CNGB3: variants seen among roughly 807,000 people sequenced by gnomAD.
CNGB3 encodes the protein cyclic nucleotide-gated channel beta-3.
In CNGB3, 86 loss-of-function variants were observed where a neutral mutation model predicts 92.8. The observed-to-expected ratio is 0.93, with a 90% confidence interval of 0.78 to 1.11. The LOEUF is 1.11. Among genes scored for constraint, CNGB3 ranks in the 50% least tolerant of loss-of-function variants. The pLI, the probability that CNGB3 is intolerant of heterozygous loss-of-function variation, is 0.00. For synonymous variants in CNGB3, 333 were observed against 332.7 expected, an observed-to-expected ratio of 1.00 and a Z score of -0.01; for missense variants, 1,026 against 956.8, an observed-to-expected ratio of 1.07 and a Z score of -0.95.
intron 6 of CNGB3, among the ~76,000 whole-genome samples, chr8:86,655,079 G>A (rs939748885): frequency 5.3e-5 from 8 of 152,012 alleles, no homozygotes; most frequent in African/African-American, 1.7e-4. Context: ...AGTATCCTAT[G>A]AGCAATCTCA....
intron 3 of CNGB3, among the ~76,000 whole-genome samples, chr8:86,706,148 A>G (rs2131652697): frequency 1.3e-5 from 2 of 152,342 alleles, no homozygotes; most frequent in Middle Eastern, 6.8e-3. Context: ...TATATTTATA[A>G]AGTAGGGACT....
chr8:86,616,685 C>T (rs886501121), intron 13 of CNGB3, among the ~76,000 whole-genome samples: 1 of 152,056 alleles, frequency 6.6e-6, no homozygotes, highest in African/African-American at 2.4e-5. Flanking sequence ...TATATTAGTA[C>T]ATAATATTTA....
chr8:86,619,958 C>G (rs896715718), intron 13 of CNGB3, among the ~76,000 whole-genome samples: 6 of 151,966 alleles, frequency 3.9e-5, no homozygotes, highest in Non-Finnish European at 7.4e-5. Flanking sequence ...TGGGCTCAGG[C>G]AATCCTCTTG....
At chr8:86,718,765 T>C (rs374185374) in intron 3 of CNGB3, among the ~76,000 whole-genome samples, 32 of 151,814 alleles carry the variant, frequency 2.1e-4, no homozygotes, top group African/African-American at 7.0e-4. Flanking sequence ...TATGCAACAA[T>C]CCTTAACAAA....
At chr8:86,672,131 C>T (rs1031592905) in intron 3 of CNGB3, among the ~76,000 whole-genome samples, 8 of 152,236 alleles carry the variant, frequency 5.3e-5, no homozygotes, top group East Asian at 1.9e-4. Flanking sequence ...CTGAGTCTCA[C>T]GTTGTCGCCC....
chr8:86,646,360 A>G (rs945783096), intron 8 of CNGB3, among the ~76,000 whole-genome samples: 6 of 149,850 alleles, frequency 4.0e-5, no homozygotes, highest in African/African-American at 1.5e-4. Context: ...ATCAGAGCAG[A>G]GAAAAAAAAA....
At chr8:86,631,458 T>C (rs565803105) in intron 11 of CNGB3, among the ~76,000 whole-genome samples, 10 of 152,340 alleles carry the variant, frequency 6.6e-5, no homozygotes, top group Non-Finnish European at 1.2e-4. Context: ...GAACTACATG[T>C]ATGAATCAGG....
chr8:86,674,549 A>G (rs1394705337), intron 3 of CNGB3, among the ~76,000 whole-genome samples: 2 of 152,184 alleles, frequency 1.3e-5, no homozygotes, highest in Non-Finnish European at 2.9e-5. Flanking sequence ...AGGAAAGGCA[A>G]ATAGAGAGGA....
rs773640498 is a variant in CNGB3 at position 86,628,955 on chromosome 8, A to C, written c.1444T>G (p.Trp482Gly). 6 of 1,613,954 alleles carry C rather than the reference A, an allele frequency of 3.7e-6. No individual in the cohort carries two copies. The Admixed American group carries it at 1.0e-4, about 27-fold the overall frequency. ...PKLVQKRVRTWYEYTWDSQRM... is the reference protein window; with the variant it reads ...PKLVQKRVRTGYEYTWDSQRM... ...TGAGAGTCCCATGTATATTCATACCAAGTCCGAACTCGCTTTTGCACAAGT... is the reference window on the plus strand; with the variant it reads ...TGAGAGTCCCATGTATATTCATACCCAGTCCGAACTCGCTTTTGCACAAGT... Residue 482 changes from tryptophan to glycine, a missense_variant, in exon 12 of 18, where the codon TGG becomes GGG. Transcript: ENST00000320005.
chr8:86,653,110 T>C (rs1222430643), intron 7 of CNGB3, among the ~76,000 whole-genome samples: 1 of 152,090 alleles, frequency 6.6e-6, no homozygotes, highest in East Asian at 1.9e-4. Flanking sequence ...ACCATATATG[T>C]GGTCTGTCAT....
chr8:86,619,852 G>A (rs76792319), intron 13 of CNGB3, among the ~76,000 whole-genome samples: 12,978 of 148,266 alleles, frequency 0.088, 789 homozygotes, highest in Middle Eastern at 0.15. Context: ...TCTTGCCTTG[G>A]CCTCCTGAGT....
chr8:86,641,712 A>G (rs907475359), intron 10 of CNGB3, among the ~76,000 whole-genome samples: 1 of 151,312 alleles, frequency 6.6e-6, no homozygotes, highest in African/African-American at 2.4e-5. Flanking sequence ...CTCATTTTCT[A>G]TTGTACTCCA....
At chr8:86,599,333 C>T (rs1822241682) in intron 15 of CNGB3, among the ~76,000 whole-genome samples, 3 of 152,080 alleles carry the variant, frequency 2.0e-5, no homozygotes, top group South Asian at 2.1e-4. Context: ...TATGTTGCCT[C>T]AGGACCCTGG....
intron 11 of CNGB3, among the ~76,000 whole-genome samples, chr8:86,631,161 G>A (rs567368366): frequency 6.6e-6 from 1 of 152,142 alleles, no homozygotes; most frequent in African/African-American, 2.4e-5. Flanking sequence ...GTATAAAACA[G>A]CACTTTTCAA....
intron 15 of CNGB3, among the ~76,000 whole-genome samples, chr8:86,593,476 T>C (rs1020146786): frequency 6.6e-6 from 1 of 152,090 alleles, no homozygotes; most frequent in African/African-American, 2.4e-5. Context: ...AGTTTTAAAG[T>C]TTTTTTTAAA....
At chr8:86,621,441 T>C (rs1822724711) in intron 13 of CNGB3, among the ~76,000 whole-genome samples, 2 of 152,158 alleles carry the variant, frequency 1.3e-5, no homozygotes, top group Admixed American at 1.3e-4. Context: ...CAGTCTGCTA[T>C]TTTGTTTTTA....
chr8:86,640,181 C>T (rs1823153923), intron 10 of CNGB3, among the ~76,000 whole-genome samples: 1 of 151,958 alleles, frequency 6.6e-6, no homozygotes, highest in Non-Finnish European at 1.5e-5. Flanking sequence ...GCCAATTTCT[C>T]CTCCTTCTAT....
chr8:86,595,421 A>G (rs1006394190), intron 15 of CNGB3, among the ~76,000 whole-genome samples: 5 of 152,234 alleles, frequency 3.3e-5, no homozygotes, highest in Non-Finnish European at 5.9e-5. Context: ...TATTTAAGCA[A>G]TGACACTGAT....
chr8:86,680,991 C>T (rs926213800), intron 3 of CNGB3, among the ~76,000 whole-genome samples: 9 of 152,102 alleles, frequency 5.9e-5, no homozygotes, highest in East Asian at 1.9e-4. Context: ...ACGGCTCCTA[C>T]GCTTTGCTCT....
Sources: allele counts gnomAD v4.1 joint callset (sites outside exome capture counted in the v4.1 genomes callset), GRCh38; gene constraint gnomAD v4.1.1; transcripts MANE v1.5; gene names NCBI Gene and HGNC (gene_info 2026-07-23, HGNC 2026-07-21).